Variants in PHTF1 observed in about 807,000 individuals in gnomAD.
PHTF1 encodes the protein protein PHTF1.
A neutral mutation model predicts 102.4 loss-of-function variants in PHTF1; 88 were observed. The observed-to-expected ratio is 0.86, with a 90% CI of 0.72 to 1.03. PHTF1 has a LOEUF of 1.03. Ranked by LOEUF, PHTF1 falls within the 50% of genes least tolerant of loss-of-function variation. The probability of loss-of-function intolerance (pLI) is 0.00; values close to 1 mark genes in which losing one functional copy is unlikely to be tolerated. For synonymous variants in PHTF1, 289 were observed against 305.2 expected (o/e 0.95, Z 0.55); for missense variants, 814 against 909.5 (o/e 0.89, Z 1.35).
intron 3 of PHTF1, chr1:113,746,871 AT>A (rs1461092964): frequency 1.1e-6 from 1 of 905,024 alleles, no homozygotes; most frequent in East Asian, 1.2e-4. Flanking sequence ...TGATTCATAC[AT>A]CCTAGCTATT....
Position 113,704,769 on chromosome 1 carries a change from T to A in PHTF1, c.1700A>T (p.His567Leu). 1 of 1,595,370 alleles carries A rather than the reference T, an allele frequency of 6.3e-7. No individual in the cohort carries two copies. Among genetic ancestry groups the A allele is most frequent in the Non-Finnish European group, 8.6e-7 (1 of 1,164,400 alleles). ...QRFLFAKLFS[H>L]ITSARKARKY... ...CCTAGCTTTCCTGGCAGAAGTAATA[T>A]GGCTGAAGAGTTTTGCAAATAAAAA... The change falls in exon 14 of 19, where the codon CAT becomes CTT. Residue 567 changes from histidine to leucine, a missense_variant. His to Leu is a moderately conservative substitution (Grantham distance 99). Coordinates refer to ENST00000369604, the MANE Select transcript of PHTF1 (RefSeq NM_001323043.2).
chr1:113,756,801 G>A (rs1290817904), intron 3 of PHTF1, among the ~76,000 whole-genome samples: 3 of 152,264 alleles, frequency 2.0e-5, no homozygotes, highest in East Asian at 3.9e-4. Context: ...TGGTCACTTG[G>A]TTAGTATAAA....
chr1:113,704,155 G>A lies in PHTF1; in HGVS notation c.1816C>T (p.Gln606Ter). 6.2e-7 allele frequency: 1 copy of A among 1,611,918 alleles called. No homozygotes were observed. The highest frequency in any genetic ancestry group is 8.5e-7 in the Non-Finnish European group (1 of 1,178,364). ...GATACAACCACATCAACTGAACGCT[G>A]TGGCCCCCGTCTCTGTGGAGTGAGA... ...LRSYLKRRGPQRSVDVVVSSV... is the reference protein window; with the variant it reads ...LRSYLKRRGP The change falls in exon 15 of 19, where the codon CAG becomes TAG. Residue 606 changes from glutamine (Q) to a stop codon, truncating the protein, a stop_gained. Transcript: ENST00000369604. LOFTEE classifies it high-confidence loss of function.
Position 113,713,215 on chromosome 1 carries a change from G to C in PHTF1, c.783+64C>G, listed in dbSNP as rs1048112183. 2.5e-5 allele frequency: 35 copies of C among 1,427,766 alleles called. No homozygotes were observed. The Admixed American group carries it at 3.3e-4, about 14-fold the overall frequency. The allele number at this position is 1,427,766 out of a possible 1,614,324, so 88.4% of individuals were successfully genotyped here. ...TAGTACCTATTTTATATCTCTAACA[G>C]AATCTTAATAGGAAAATGTTACATG... On this transcript the variant is annotated intron_variant, in intron 8 of 18. Coordinates refer to ENST00000369604, the MANE Select transcript of PHTF1 (RefSeq NM_001323043.2).
intron 3 of PHTF1, among the ~76,000 whole-genome samples, chr1:113,753,294 T>C (rs1463848241): frequency 6.6e-6 from 1 of 152,240 alleles, no homozygotes; most frequent in Non-Finnish European, 1.5e-5. Context: ...TATTTCCTTC[T>C]CTATTTTCTG....
At chr1:113,738,984 T>C (rs2101605666) in intron 3 of PHTF1, among the ~76,000 whole-genome samples, 185 bp from the exon 4 acceptor site, 1 of 152,264 alleles carries the variant, frequency 6.6e-6, no homozygotes, top group African/African-American at 2.4e-5. Flanking sequence ...CCTGAGTAGC[T>C]GGAATTGCAG....
At chr1:113,711,690 T>C in intron 10 of PHTF1, 56 bp downstream of exon 10, 1 of 1,311,492 alleles carries the variant, frequency 7.6e-7, no homozygotes, top group Non-Finnish European at 1.1e-6. Context: ...AAAAAAGGAA[T>C]GGATAAAGTT....
Position 113,738,197 on chromosome 1 carries a change from C to T in PHTF1, c.244G>A (p.Val82Ile), listed in dbSNP as rs202118721. The T allele has an allele frequency of 8.1e-6, 13 of 1,613,470 alleles. No homozygotes were observed. The highest frequency in any genetic ancestry group is 1.1e-5 in the Non-Finnish European group (13 of 1,179,426). The change falls in exon 5 of 19, where the codon GTA (valine) becomes ATA (isoleucine). Residue 82 changes from valine (V) to isoleucine (I), a missense_variant. Coordinates refer to ENST00000369604, the MANE Select transcript of PHTF1 (RefSeq NM_001323043.2). ...SLTRKGLVRVVFFPLFSNWWI... is the reference protein window; with the variant it reads ...SLTRKGLVRVIFFPLFSNWWI... ...CAATTGCTGAACAATGGAAAAAATACAACTCGAACAAGCCCCTTCCGAGTC... is the reference window on the plus strand; with the variant it reads ...CAATTGCTGAACAATGGAAAAAATATAACTCGAACAAGCCCCTTCCGAGTC...
chr1:113,724,936 T>C (rs1008283911), intron 6 of PHTF1, 43 bp from the exon 7 acceptor site: 1 of 1,441,316 alleles, frequency 6.9e-7, no homozygotes, highest in Admixed American at 2.1e-5. Flanking sequence ...TTCAAGACCC[T>C]TTCTATTTCT....
chr1:113,737,096 A>G (rs995368630), intron 5 of PHTF1, among the ~76,000 whole-genome samples: 2 of 152,242 alleles, frequency 1.3e-5, no homozygotes, highest in Non-Finnish European at 2.9e-5. Context: ...TCATGGCAGT[A>G]GAGACTGAGA....
chr1:113,752,385 A>ATTTTTTTTTTTTTTTTTTT lies in PHTF1; in HGVS notation c.102+5295_102+5313dup, dbSNP rs774522219. 1.9e-4 allele frequency among the ~76,000 whole-genome samples: 9 copies of ATTTTTTTTTTTTTTTTTTT among 47,888 alleles called. 1 individual carries two copies. The highest frequency in any genetic ancestry group is 5.7e-4 in the Admixed American group (2 of 3,500). 31.4% of individuals were successfully genotyped at this position (47,888 alleles called of 152,430 possible). A position where few individuals can be genotyped will look rare whatever the true frequency, so the allele number is the denominator to read the frequency against. ...CTTGCCACATTCATTTGTTACTGTA[A>ATTTTTTTTTTTTTTTTTTT]TTTTTTTTTTTTTTTTTTTTTTTTT... On this transcript the variant is annotated intron_variant, in intron 3 of 18. Coordinates refer to ENST00000369604, the MANE Select transcript of PHTF1 (RefSeq NM_001323043.2).
chr1:113,737,977 CAT>C, intron 5 of PHTF1, 131 bp downstream of exon 5: 3 of 636,800 alleles, frequency 4.7e-6, no homozygotes, highest in Admixed American at 2.9e-5. Flanking sequence ...CCCCAAATGG[CAT>C]ATGTCTCTTC....
chr1:113,698,614 TATATATACACACAC>T (rs1557899521), intron 17 of PHTF1, among the ~76,000 whole-genome samples: 1 of 86,248 alleles, frequency 1.2e-5, no homozygotes, highest in Non-Finnish European at 2.6e-5. Context: ...GTTTTATATA[TATATATACACACAC>T]ACACACACAC....
At chr1:113,720,686 A>T (rs1652786610) in intron 7 of PHTF1, among the ~76,000 whole-genome samples, 1 of 152,058 alleles carries the variant, frequency 6.6e-6, no homozygotes, top group Admixed American at 6.5e-5. Context: ...CTATTGGTGG[A>T]TCTACCATTC....
Position 113,712,116 on chromosome 1 carries a change from A to G in PHTF1, c.784-3T>C, listed in dbSNP as rs1651217769. The G allele has an allele frequency of 1.2e-6, 2 of 1,612,954 alleles. No homozygotes were observed. The highest frequency in any genetic ancestry group is 1.6e-4 in the Middle Eastern group (1 of 6,082). ...TTACCCAAACGCCTAAAAGCCTCCT[A>G]CAAAGAGAACAGCAATACCTTCACA... is the stretch of plus-strand genomic sequence containing the variant. On this transcript the variant is annotated splice_region_variant and splice_polypyrimidine_tract_variant and intron_variant, in intron 8 of 18. Coordinates refer to ENST00000369604, the MANE Select transcript of PHTF1 (RefSeq NM_001323043.2).
chr1:113,720,522 G>T (rs1278114514), intron 7 of PHTF1, among the ~76,000 whole-genome samples: 1 of 152,190 alleles, frequency 6.6e-6, no homozygotes, highest in East Asian at 1.9e-4. Context: ...ATCATTTTCA[G>T]GGATATACCA....
chr1:113,744,671 G>A (rs966334075), intron 3 of PHTF1, among the ~76,000 whole-genome samples: 4 of 152,184 alleles, frequency 2.6e-5, no homozygotes, highest in Admixed American at 6.5e-5. Context: ...GAGGAATCAA[G>A]AAACACATAT....
At chr1:113,717,872 G>A (rs990299366) in intron 7 of PHTF1, among the ~76,000 whole-genome samples, 1 of 152,102 alleles carries the variant, frequency 6.6e-6, no homozygotes, top group African/African-American at 2.4e-5. Context: ...GGAATTCTGG[G>A]AGATACAATT....
intron 7 of PHTF1, among the ~76,000 whole-genome samples, chr1:113,719,405 C>T (rs185861752): frequency 1.8e-3 from 267 of 152,312 alleles, no homozygotes; most frequent in Middle Eastern, 3.4e-3. Flanking sequence ...CCCAAATCAC[C>T]TCTTTAATGC....
Sources: gnomAD v4.1 joint callset for allele counts (sites outside exome capture counted in the v4.1 genomes callset) on GRCh38, gnomAD v4.1.1 for gene constraint, MANE v1.5 for transcripts, NCBI Gene and HGNC (gene_info 2026-07-23, HGNC 2026-07-21) for gene names.